Variants in EBF2 observed in about 807,000 individuals in gnomAD.
EBF2 encodes the protein EBF transcription factor 2.
In EBF2, 21 loss-of-function variants were observed where a neutral mutation model predicts 72.8. The observed-to-expected ratio is 0.29, with a 90% CI of 0.20 to 0.42. EBF2 has a LOEUF of 0.42. EBF2 is among the 10% of genes least tolerant of loss of function. The pLI, the probability that EBF2 is intolerant of heterozygous loss-of-function variation, is 1.00. For synonymous variants in EBF2, 299 were observed against 274.2 expected (o/e 1.09, Z -0.89); for missense variants, 637 against 731.2 (o/e 0.87, Z 1.49).
intron 9 of EBF2, among the ~76,000 whole-genome samples, 199 bp downstream of exon 9, chr8:25,887,643 C>A (rs1003693464): frequency 7.2e-5 from 11 of 152,032 alleles, no homozygotes; most frequent in Admixed American, 1.3e-4. Context: ...GAGTGACATT[C>A]CATCACTTTA....
intron 6 of EBF2, among the ~76,000 whole-genome samples, chr8:26,018,496 C>CAAAAAA (rs10555042): frequency 3.7e-4 from 30 of 81,610 alleles, no homozygotes; most frequent in African/African-American, 1.4e-3. Flanking sequence ...ACTAAAAATA[C>CAAAAAA]AAAAAAAAAA....
At chr8:26,001,195 A>G (rs1395703577) in intron 6 of EBF2, among the ~76,000 whole-genome samples, 1 of 152,206 alleles carries the variant, frequency 6.6e-6, no homozygotes, top group African/African-American at 2.4e-5. Flanking sequence ...CTGACAAGAC[A>G]TTCATCCAGC....
chr8:25,998,156 A>G (rs1048454848), intron 6 of EBF2, among the ~76,000 whole-genome samples: 3 of 152,142 alleles, frequency 2.0e-5, no homozygotes, highest in African/African-American at 4.8e-5. Flanking sequence ...TGCCATCACC[A>G]TCCCTGGGTC....
intron 6 of EBF2, among the ~76,000 whole-genome samples, chr8:25,949,354 T>C (rs1803820815): frequency 6.6e-6 from 1 of 152,198 alleles, no homozygotes; most frequent in Non-Finnish European, 1.5e-5. Flanking sequence ...ATAATCACAT[T>C]GGAAGTTTGA....
chr8:26,041,412 A>C (rs980613228), intron 2 of EBF2: 1 of 224,974 alleles, frequency 4.4e-6, no homozygotes, highest in Non-Finnish European at 8.8e-6. Flanking sequence ...ATTCGGGCCT[A>C]TCCCGCGAGG....
At chr8:25,957,759 G>C (rs1803973248) in intron 6 of EBF2, among the ~76,000 whole-genome samples, 1 of 152,218 alleles carries the variant, frequency 6.6e-6, no homozygotes, top group African/African-American at 2.4e-5. Flanking sequence ...CCAGCTACTT[G>C]GGAGGTTGAG....
rs1801794859 is a variant in EBF2, at chr8:25,844,593, A to G, written c.*16T>C. The G allele has an allele frequency of 6.2e-7, 1 of 1,613,946 alleles. No individual in the cohort carries two copies. The highest frequency in any genetic ancestry group is 1.3e-5 in the African/African-American group (1 of 75,054). On this transcript the variant is annotated 3_prime_UTR_variant, in exon 16 of 16. Coordinates refer to ENST00000520164, the MANE Select transcript of EBF2 (RefSeq NM_022659.4). ...TCAGAGTAAGTAGTTTTGTGCTATA[A>G]GAAAGCAGTTCTTCTTTACATCGGG...
intron 6 of EBF2, among the ~76,000 whole-genome samples, chr8:25,954,807 T>C (rs919547412): frequency 4.1e-4 from 63 of 152,326 alleles, no homozygotes; most frequent in African/African-American, 1.5e-3. Context: ...TTTGCTGCTA[T>C]GGCACCCCGC....
chr8:26,005,929 T>C lies in EBF2; in HGVS notation c.551+27156A>G, dbSNP rs576401659. On this transcript the variant is annotated intron_variant, in intron 6 of 15. Transcript: ENST00000520164. ...CTTCCCAAAGTAGCCGCAGTTTAAT[T>C]TGTGGTTTTAAAATGGTCAGGGCCT... Among the ~76,000 whole-genome samples, 20 of 152,096 alleles carry C rather than the reference T, an allele frequency of 1.3e-4. No individual in the cohort carries two copies. In the East Asian group the frequency reaches 3.9e-3, roughly 29 times the overall value.
At chr8:25,923,459 A>C (rs1051859259) in intron 6 of EBF2, among the ~76,000 whole-genome samples, 2 of 152,194 alleles carry the variant, frequency 1.3e-5, no homozygotes, top group Non-Finnish European at 2.9e-5. Flanking sequence ...TGCCAGGGTG[A>C]TCACATCAAA....
intron 6 of EBF2, among the ~76,000 whole-genome samples, chr8:25,983,522 A>T (rs1804397020): frequency 6.6e-6 from 1 of 152,034 alleles, no homozygotes; most frequent in African/African-American, 2.4e-5. Flanking sequence ...AGTGTCATTC[A>T]CTCTCCTGCC....
intron 6 of EBF2, among the ~76,000 whole-genome samples, chr8:26,013,764 A>G (rs557683377): frequency 2.0e-5 from 3 of 152,234 alleles, no homozygotes; most frequent in Non-Finnish European, 4.4e-5. Flanking sequence ...GTAAAAGAAA[A>G]CCTTGTCGAT....
rs745571289 is a variant in EBF2, at chr8:25,887,869, C to A, written c.855G>T (p.Val285=). The part of the protein sequence containing the change: ...GDNFFDGLQV[V]FGTMLVWSEL... Reference sequence around the variant, plus strand: ...CGCTCCATACAAGCATAGTCCCAAACACCACTTGGAGACCATCAAAGAAGT... The same window carrying A: ...CGCTCCATACAAGCATAGTCCCAAAAACCACTTGGAGACCATCAAAGAAGT... Residue 285 remains valine, a synonymous_variant, in exon 9 of 16, where the codon GTG becomes GTT. Coordinates refer to ENST00000520164, the MANE Select transcript of EBF2 (RefSeq NM_022659.4). 2 of 1,613,252 alleles carry A rather than the reference C, an allele frequency of 1.2e-6. No individual in the cohort carries two copies. Among genetic ancestry groups the A allele is most frequent in the Non-Finnish European group, 1.7e-6 (2 of 1,179,628 alleles).
chr8:25,972,667 AC>A (rs1250401982), intron 6 of EBF2, among the ~76,000 whole-genome samples: 1 of 152,168 alleles, frequency 6.6e-6, no homozygotes, highest in African/African-American at 2.4e-5. Flanking sequence ...TGAGGGTCAC[AC>A]AGGAAGATGA....
intron 6 of EBF2, among the ~76,000 whole-genome samples, chr8:25,926,512 G>A (rs1480434028): frequency 1.3e-5 from 2 of 152,112 alleles, no homozygotes; most frequent in African/African-American, 4.8e-5. Context: ...TTTATACTTC[G>A]ACAATGTGGA....
At chr8:26,024,994 A>T (rs1233194820) in intron 6 of EBF2, among the ~76,000 whole-genome samples, 1 of 152,224 alleles carries the variant, frequency 6.6e-6, no homozygotes, top group Admixed American at 6.5e-5. Context: ...CCTGAACAAG[A>T]GTAAGAATTT....
At chr8:26,039,299 T>C (rs977087769) in intron 5 of EBF2, among the ~76,000 whole-genome samples, 4 of 152,048 alleles carry the variant, frequency 2.6e-5, no homozygotes, top group Non-Finnish European at 5.9e-5. Flanking sequence ...GATTGATCTC[T>C]GAAAGGAAGA....
rs1805160063 is a variant in EBF2, at chr8:26,018,960, A to G, written c.551+14125T>C. On this transcript the variant is annotated intron_variant, in intron 6 of 15. Transcript: ENST00000520164. ...AAAAAAAAAAAAAAAAAAAAGGCAA[A>G]GAACCCCCAAACACTGGGAAGGTAT... Among the ~76,000 whole-genome samples the G allele has an allele frequency of 3.3e-5, 5 of 151,306 alleles. No individual in the cohort carries two copies. The South Asian group carries it at 1.0e-3, about 31-fold the overall frequency.
intron 6 of EBF2, among the ~76,000 whole-genome samples, chr8:25,914,994 C>T (rs1405858930): frequency 6.6e-6 from 1 of 152,208 alleles, no homozygotes; most frequent in Non-Finnish European, 1.5e-5. Context: ...CACTCAACTT[C>T]TCAAATTCCT....
Sources: gnomAD v4.1 joint callset for allele counts (sites outside exome capture counted in the v4.1 genomes callset) on GRCh38, gnomAD v4.1.1 for gene constraint, MANE v1.5 for transcripts, NCBI Gene and HGNC (gene_info 2026-07-23, HGNC 2026-07-21) for gene names.